LRRC28: variants seen among roughly 807,000 people sequenced by gnomAD.
LRRC28 encodes the protein leucine-rich repeat-containing protein 28.
LRRC28 carries 39 observed loss-of-function variants against 45.7 expected under a neutral mutation model. That is an observed-to-expected ratio of 0.85 (90% CI 0.66 to 1.12). The LOEUF (loss-of-function observed/expected upper bound fraction) is 1.12. LRRC28 is among the 50% of genes most tolerant of loss of function. The pLI is 0.00. For synonymous variants in LRRC28, 206 were observed against 178.8 expected (o/e 1.15, Z -1.22); for missense variants, 435 against 438.5 (o/e 0.99, Z 0.07).
chr15:99,253,414 C>G (rs1394210984), intron 1 of LRRC28, among the ~76,000 whole-genome samples: 1 of 152,190 alleles, frequency 6.6e-6, no homozygotes, highest in African/African-American at 2.4e-5. Context: ...AGCCACTGCG[C>G]CCGGTCTCAG....
chr15:99,309,164 T>A (rs1955303741), intron 5 of LRRC28, among the ~76,000 whole-genome samples: 1 of 152,230 alleles, frequency 6.6e-6, no homozygotes, highest in African/African-American at 2.4e-5. Context: ...TGTTAGTGGT[T>A]ATTTTCCATT....
At chr15:99,296,158 A>C (rs190721344) in intron 5 of LRRC28, among the ~76,000 whole-genome samples, 1 of 152,130 alleles carries the variant, frequency 6.6e-6, no homozygotes, top group African/African-American at 2.4e-5. Context: ...GGCTGCAGTG[A>C]TTTTTCAGAG....
chr15:99,360,418 A>T (rs998767062), intron 7 of LRRC28, among the ~76,000 whole-genome samples: 1 of 152,190 alleles, frequency 6.6e-6, no homozygotes, highest in African/African-American at 2.4e-5. Flanking sequence ...GGAAGGGTTC[A>T]TTCTTGTTTT....
intron 5 of LRRC28, among the ~76,000 whole-genome samples, chr15:99,311,052 T>C (rs1955390104): frequency 6.6e-6 from 1 of 152,176 alleles, no homozygotes; most frequent in Non-Finnish European, 1.5e-5. Flanking sequence ...GTTGGTGTCC[T>C]TAGTCTGCAC....
intron 2 of LRRC28, chr15:99,258,339 C>T (rs1370080717): frequency 3.5e-6 from 5 of 1,423,916 alleles, no homozygotes; most frequent in Non-Finnish European, 5.0e-6. Context: ...AGAGGAAACA[C>T]TCTAGGACGG....
intron 9 of LRRC28, among the ~76,000 whole-genome samples, chr15:99,382,027 G>C (rs545081080): frequency 1.3e-5 from 2 of 152,208 alleles, no homozygotes; most frequent in Non-Finnish European, 2.9e-5. Context: ...CTCAAACTCC[G>C]TGCTGGGAGA....
At position 99,388,466 on chromosome 15, in the gene LRRC28, T is replaced by G. The variant is rs1020423216; in HGVS notation, c.*2364T>G. 6 of 152,346 alleles carry G rather than the reference T, an allele frequency of 3.9e-5. No homozygotes were observed. In the East Asian group the frequency reaches 1.2e-3, roughly 29 times the overall value. The allele number at this position is 152,346 out of a possible 1,614,324, so 9.4% of individuals were successfully genotyped here. ...GGCTGGGCAGACAACCTTTGGGCAG[T>G]CTCAACCTTAATCCTTGGGTACAGC... On this transcript the variant is annotated 3_prime_UTR_variant, in exon 10 of 10. Coordinates refer to ENST00000301981, the MANE Select transcript of LRRC28 (RefSeq NM_144598.5).
chr15:99,345,457 T>G (rs1056339496), intron 6 of LRRC28, among the ~76,000 whole-genome samples: 14 of 152,212 alleles, frequency 9.2e-5, no homozygotes. Context: ...CCTGTTGGCC[T>G]TTCATATATG....
At position 99,252,468 on chromosome 15, in the gene LRRC28, T is replaced by C. The variant is rs575650196; in HGVS notation, c.-61+927T>C. Among the ~76,000 whole-genome samples, 17 of 152,336 alleles carry C rather than the reference T, an allele frequency of 1.1e-4. 1 individual carries two copies. In the South Asian group the frequency reaches 3.3e-3, roughly 30 times the overall value. On this transcript the variant is annotated intron_variant, in intron 1 of 9. Transcript: ENST00000301981. Reference sequence around the variant, plus strand: ...AGGAAAGCCGTCAGGTTACAGGGACTGTCTTATTGAATCTTCCTTCAGTGA... The same window carrying C: ...AGGAAAGCCGTCAGGTTACAGGGACCGTCTTATTGAATCTTCCTTCAGTGA...
chr15:99,267,589 CTA>C lies in LRRC28; in HGVS notation c.169-8985_169-8984del, dbSNP rs1409416216. ...AAAGCATCTCTGTTTCTTAAATTGA[CTA>C]TGTGGAAATATGTGAGTATATCAAA... On this transcript the variant is annotated intron_variant, in intron 2 of 9. Transcript: ENST00000301981. Among the ~76,000 whole-genome samples, 8 of 152,226 alleles carry C rather than the reference CTA, an allele frequency of 5.3e-5. No individual in the cohort carries two copies. In the East Asian group the frequency reaches 9.6e-4, roughly 18 times the overall value.
At chr15:99,378,552 C>G (rs1280860875) in intron 9 of LRRC28, among the ~76,000 whole-genome samples, 1 of 152,036 alleles carries the variant, frequency 6.6e-6, no homozygotes, top group Non-Finnish European at 1.5e-5. Context: ...GCCTGATTGC[C>G]CTGGCCAGAA....
intron 1 of LRRC28, among the ~76,000 whole-genome samples, chr15:99,252,471 C>T (rs544106067): frequency 6.6e-6 from 1 of 152,240 alleles, no homozygotes; most frequent in Non-Finnish European, 1.5e-5. Flanking sequence ...CAGGGACTGT[C>T]TTATTGAATC....
chr15:99,364,032 C>G (rs145445652), intron 9 of LRRC28, among the ~76,000 whole-genome samples: 1 of 152,178 alleles, frequency 6.6e-6, no homozygotes, highest in Non-Finnish European at 1.5e-5. Flanking sequence ...AAGCCATTAC[C>G]CCTCTTTCCA....
chr15:99,285,049 C>A (rs1468491149), intron 3 of LRRC28: 4 of 660,676 alleles, frequency 6.1e-6, no homozygotes, highest in Non-Finnish European at 1.1e-5. Flanking sequence ...TGGGGCTTTC[C>A]TGACTTCACA....
intron 9 of LRRC28, among the ~76,000 whole-genome samples, chr15:99,376,460 G>C (rs1373259278): frequency 2.0e-5 from 3 of 152,078 alleles, no homozygotes; most frequent in Non-Finnish European, 4.4e-5. Context: ...GTTTAGTACT[G>C]TAAGTTTTCC....
chr15:99,355,459 G>A (rs577122772), intron 7 of LRRC28: 4 of 152,280 alleles, frequency 2.6e-5, no homozygotes, highest in East Asian at 3.9e-4. Flanking sequence ...CACTAGGAGC[G>A]AGGACCATTG....
chr15:99,273,968 A>G (rs1271095055), intron 2 of LRRC28, among the ~76,000 whole-genome samples: 1 of 152,254 alleles, frequency 6.6e-6, no homozygotes, highest in African/African-American at 2.4e-5. Context: ...GTATGCCCAT[A>G]AACGGAAGCG....
chr15:99,303,913 C>T (rs906660706), intron 5 of LRRC28, among the ~76,000 whole-genome samples: 5 of 151,910 alleles, frequency 3.3e-5, no homozygotes, highest in Non-Finnish European at 7.4e-5. Flanking sequence ...ATTGTCCCCC[C>T]CACTGGATGT....
chr15:99,375,472 A>C (rs2152336700), intron 9 of LRRC28, among the ~76,000 whole-genome samples: 1 of 152,334 alleles, frequency 6.6e-6, no homozygotes, highest in Admixed American at 6.5e-5. Context: ...CAGGATAATA[A>C]TGGCCTTATT....
Sources: allele counts gnomAD v4.1 joint callset (sites outside exome capture counted in the v4.1 genomes callset), GRCh38; gene constraint gnomAD v4.1.1; transcripts MANE v1.5; gene names NCBI Gene and HGNC (gene_info 2026-07-23, HGNC 2026-07-21).